NTRK1: variants seen among roughly 807,000 people sequenced by gnomAD.
NTRK1 encodes high affinity nerve growth factor receptor.
NTRK1 carries 62 observed loss-of-function variants against 86.8 expected under a neutral mutation model. That is an observed-to-expected ratio of 0.71 (90% confidence interval 0.58 to 0.88). The LOEUF is 0.88. Ranked by LOEUF, NTRK1 falls within the 40% of genes least tolerant of loss-of-function variation. The pLI, the probability that NTRK1 is intolerant of heterozygous loss-of-function variation, is 0.00. For synonymous variants in NTRK1, 469 were observed against 456.6 expected, an observed-to-expected ratio of 1.03 and a Z score of -0.35; for missense variants, 967 against 1,078.4, an observed-to-expected ratio of 0.90 and a Z score of 1.45.
In NTRK1 at chr1:156,872,078, C is replaced by T. The variant is rs141434673; in HGVS notation, c.850+323C>T. 0.011 allele frequency among the ~76,000 whole-genome samples: 1,743 copies of T among 152,264 alleles called. 37 individuals are homozygous for T. Among genetic ancestry groups the T allele is most frequent in the African/African-American group, 0.04 (1,657 of 41,524 alleles). On this transcript the variant is annotated intron_variant, in intron 7 of 16. Transcript: ENST00000524377. Reference sequence around the variant, plus strand: ...CCGTCCCTCATCGGGTCCTTCTCCCCGCATCCTAGTTTCAAAAGAGGAAAT... The same window carrying T: ...CCGTCCCTCATCGGGTCCTTCTCCCTGCATCCTAGTTTCAAAAGAGGAAAT...
intron 1 of NTRK1, among the ~76,000 whole-genome samples, chr1:156,862,258 C>A (rs1467715357): frequency 6.6e-6 from 1 of 152,110 alleles, no homozygotes; most frequent in African/African-American, 2.4e-5. Flanking sequence ...CACTCAATCT[C>A]TCTCTCTAAT....
upstream of NTRK1, among the ~76,000 whole-genome samples, chr1:156,857,850 T>G (rs139971541): frequency 7.9e-5 from 12 of 152,308 alleles, no homozygotes; most frequent in East Asian, 2.1e-3. Context: ...GCTTCCACCC[T>G]CAGCTCTTTT....
intron 2 of NTRK1, among the ~76,000 whole-genome samples, chr1:156,850,690 G>A (rs901485773): frequency 6.6e-6 from 1 of 151,450 alleles, no homozygotes. Context: ...AAGTAGCTGG[G>A]ATTAAAGGCA....
intron 1 of NTRK1, among the ~76,000 whole-genome samples, chr1:156,821,069 T>TTTTG (rs1005731179): frequency 7.2e-5 from 11 of 152,266 alleles, no homozygotes; most frequent in South Asian, 6.2e-4. Context: ...TTCCTAAGTT[T>TTTTG]TTTGTTTGTT....
At chr1:156,879,621 A>AT (rs930759514) in intron 15 of NTRK1, among the ~76,000 whole-genome samples, 56 of 151,978 alleles carry the variant, frequency 3.7e-4, no homozygotes, top group African/African-American at 1.2e-3. Context: ...TATTTAATTT[A>AT]TTTTTTTGAG....
chr1:156,839,193 G>A (rs997999892), intron 1 of NTRK1, among the ~76,000 whole-genome samples: 7 of 152,224 alleles, frequency 4.6e-5, no homozygotes, highest in African/African-American at 1.4e-4. Flanking sequence ...TCATAGAGAC[G>A]GCCTCACGCA....
exon 2 of NTRK1, chr1:156,842,128 G>A (rs1654817278): frequency 6.2e-7 from 1 of 1,613,924 alleles, no homozygotes; most frequent in Non-Finnish European, 8.5e-7. Flanking sequence ...TCTTGACGGT[G>A]AAGTCCTGGG....
At chr1:156,846,675 G>C (rs1292373298) in intron 2 of NTRK1, 3 of 1,614,066 alleles carry the variant, frequency 1.9e-6, no homozygotes, top group Non-Finnish European at 2.5e-6. Flanking sequence ...GTGCGGCTTA[G>C]GGGCAGCTCC....
intron 2 of NTRK1, chr1:156,845,409 G>A: frequency 6.4e-7 from 1 of 1,554,014 alleles, no homozygotes; most frequent in Non-Finnish European, 8.7e-7. Flanking sequence ...ACCTTCCAAG[G>A]GGATCTGGGG....
chr1:156,826,467 A>G (rs1654319835), intron 1 of NTRK1, among the ~76,000 whole-genome samples: 1 of 151,476 alleles, frequency 6.6e-6, no homozygotes, highest in Admixed American at 6.6e-5. Flanking sequence ...TGCCCGGCTA[A>G]TTTTTTGTAT....
chr1:156,845,577 C>A, intron 2 of NTRK1: 1 of 1,529,950 alleles, frequency 6.5e-7, no homozygotes, highest in South Asian at 1.3e-5. Flanking sequence ...CCTCACAGGC[C>A]CCACTCATCA....
At chr1:156,824,008 G>C (rs1654256798) in intron 1 of NTRK1, among the ~76,000 whole-genome samples, 1 of 152,166 alleles carries the variant, frequency 6.6e-6, no homozygotes, top group Non-Finnish European at 1.5e-5. Flanking sequence ...GAGGCAAGTA[G>C]GTTCCTAGGG....
At chr1:156,867,671 CT>C (rs71644586) in intron 4 of NTRK1, among the ~76,000 whole-genome samples, 8,121 of 140,458 alleles carry the variant, frequency 0.058, 351 homozygotes, top group African/African-American at 0.13. Context: ...CTTTTCTTTT[CT>C]TTTTTTTTTT....
In NTRK1 at chr1:156,840,760, G is replaced by T. The variant is rs559161018; in HGVS notation, c.-63-1321G>T. On this transcript the variant is annotated intron_variant, in intron 1 of 16. Coordinates refer to the NTRK1 transcript ENST00000392302. The stretch of plus-strand genomic sequence containing the variant: ...TGCTCCTGTTCTCTGCCCCACCCTC[G>T]GCCATCCCTTGCCCTGAGTTGGGGT... 1,388 of 809,706 alleles carry T rather than the reference G, an allele frequency of 1.7e-3. 5 individuals carry two copies. The highest frequency in any genetic ancestry group is 2.4e-3 in the Non-Finnish European group (1,182 of 488,606). 50.2% of individuals were successfully genotyped at this position (809,706 alleles called of 1,614,324 possible). A position where few individuals can be genotyped will look rare whatever the true frequency, so the allele number is the denominator to read the frequency against.
intron 9 of NTRK1, 51 bp downstream of exon 9, chr1:156,874,451 G>T (rs746452094): frequency 6.2e-7 from 1 of 1,613,960 alleles, no homozygotes; most frequent in Non-Finnish European, 8.5e-7. Flanking sequence ...TGGAGCTGAG[G>T]CTGGGGCAGA....
At chr1:156,850,552 TTTTTTTTTTTTTTGA>T (rs1655172685) in intron 2 of NTRK1, among the ~76,000 whole-genome samples, 1 of 121,678 alleles carries the variant, frequency 8.2e-6, no homozygotes, top group African/African-American at 3.4e-5. Flanking sequence ...TTTTTTTTTT[TTTTTTTTTTTTTTGA>T]GATGGAGTCC....
intron 1 of NTRK1, among the ~76,000 whole-genome samples, chr1:156,825,109 A>T (rs891932548): frequency 6.6e-6 from 1 of 152,140 alleles, no homozygotes; most frequent in Non-Finnish European, 1.5e-5. Context: ...GGCTGGTCTC[A>T]AACTCCCGAC....
intron 7 of NTRK1, 58 bp from the exon 8 acceptor site, chr1:156,873,575 T>C (rs895525824): frequency 6.8e-7 from 1 of 1,476,126 alleles, no homozygotes; most frequent in African/African-American, 1.4e-5. Flanking sequence ...GTCGGGTGTG[T>C]GCCAGGCTCC....
chr1:156,869,016 C>CCCCT (rs1647372722), intron 6 of NTRK1, among the ~76,000 whole-genome samples: 1 of 122,462 alleles, frequency 8.2e-6, no homozygotes, highest in African/African-American at 3.3e-5. Flanking sequence ...ACTTTTCTCT[C>CCCCT]TCCCTTCCTT....
Sources: allele counts gnomAD v4.1 joint callset (sites outside exome capture counted in the v4.1 genomes callset), GRCh38; gene constraint gnomAD v4.1.1; transcripts MANE v1.5; gene names NCBI Gene and HGNC (gene_info 2026-07-23, HGNC 2026-07-21).